Variants in SORCS1 observed in about 807,000 individuals in gnomAD.
The protein encoded by SORCS1 is VPS10 domain-containing receptor SorCS1.
In SORCS1, 60 loss-of-function variants were observed where a neutral mutation model predicts 146.1. That is an observed-to-expected ratio of 0.41 (90% CI 0.33 to 0.51). SORCS1 has a LOEUF of 0.51. Among genes scored for constraint, SORCS1 ranks in the 20% least tolerant of loss-of-function variants. SORCS1 has a pLI of 0.21. For synonymous variants in SORCS1, 637 were observed against 584.0 expected, an observed-to-expected ratio of 1.09 and a Z score of -1.31; for missense variants, 1,352 against 1,487.6, an observed-to-expected ratio of 0.91 and a Z score of 1.50.
chr10:107,139,922 T>C (rs1217101940), intron 1 of SORCS1, among the ~76,000 whole-genome samples: 1 of 152,168 alleles, frequency 6.6e-6, no homozygotes. Flanking sequence ...TTTGGTGAAA[T>C]TGAGATGTAG....
chr10:106,695,811 T>C (rs960324608), intron 9 of SORCS1, among the ~76,000 whole-genome samples: 2 of 152,226 alleles, frequency 1.3e-5, no homozygotes, highest in Non-Finnish European at 1.5e-5. Flanking sequence ...TTGACACTGA[T>C]GGAAAATTCT....
At chr10:106,784,395 A>T (rs1205741790) in intron 3 of SORCS1, among the ~76,000 whole-genome samples, 1 of 92,576 alleles carries the variant, frequency 1.1e-5, no homozygotes, top group African/African-American at 3.6e-5. Flanking sequence ...ACTCCGTCAA[A>T]AAAAAAAAAA....
chr10:107,080,157 T>C (rs1963218409), intron 1 of SORCS1, among the ~76,000 whole-genome samples: 2 of 152,260 alleles, frequency 1.3e-5, no homozygotes, highest in African/African-American at 4.8e-5. Flanking sequence ...CTGCTTCTAA[T>C]GTATTTCATT....
intron 18 of SORCS1, among the ~76,000 whole-genome samples, chr10:106,644,107 C>A (rs368722589): frequency 6.6e-6 from 1 of 151,922 alleles, no homozygotes; most frequent in Non-Finnish European, 1.5e-5. Flanking sequence ...CCTTTTTTTG[C>A]CCAAATACCT....
chr10:106,959,933 A>G (rs957792655), intron 1 of SORCS1, among the ~76,000 whole-genome samples: 6 of 152,200 alleles, frequency 3.9e-5, no homozygotes, highest in African/African-American at 1.4e-4. Context: ...AGTGTAGAGT[A>G]TTCAAGTTCA....
At chr10:106,679,012 T>C (rs1177492521) in intron 12 of SORCS1, among the ~76,000 whole-genome samples, 12 of 152,186 alleles carry the variant, frequency 7.9e-5, no homozygotes, top group African/African-American at 4.8e-5. Context: ...TTGTGACTTA[T>C]AAACACCCTT....
intron 1 of SORCS1, among the ~76,000 whole-genome samples, chr10:107,007,502 C>A (rs1402277423): frequency 7.2e-5 from 11 of 152,162 alleles, no homozygotes; most frequent in Admixed American, 7.2e-4. Context: ...TGTGGGTAAG[C>A]CATCTTGAAA....
At chr10:106,994,157 T>C (rs1277472072) in intron 1 of SORCS1, among the ~76,000 whole-genome samples, 1 of 150,102 alleles carries the variant, frequency 6.7e-6, no homozygotes, top group East Asian at 2.0e-4. Context: ...TTGCTATTAA[T>C]ACAAGCCCAT....
chr10:106,946,660 G>A (rs539431602), intron 2 of SORCS1, among the ~76,000 whole-genome samples: 144 of 152,260 alleles, frequency 9.5e-4, no homozygotes, highest in African/African-American at 3.4e-3. Flanking sequence ...GTCTTTATTA[G>A]CAGCACGGGA....
intron 24 of SORCS1, among the ~76,000 whole-genome samples, chr10:106,592,945 C>T (rs1442314752): frequency 6.6e-6 from 1 of 151,864 alleles, no homozygotes; most frequent in African/African-American, 2.4e-5. Context: ...TGAGACCAGC[C>T]TGGGCAACAT....
At chr10:106,703,887 C>T (rs1356577002) in intron 8 of SORCS1, among the ~76,000 whole-genome samples, 1 of 152,204 alleles carries the variant, frequency 6.6e-6, no homozygotes, top group Non-Finnish European at 1.5e-5. Flanking sequence ...ATCTGCTGTA[C>T]TAGCCCCTAT....
intron 1 of SORCS1, among the ~76,000 whole-genome samples, chr10:107,048,658 C>T (rs548817483): frequency 1.3e-4 from 20 of 152,142 alleles, no homozygotes; most frequent in Non-Finnish European, 2.9e-4. Flanking sequence ...CAGAGTTGAG[C>T]TATCTCCCCT....
At chr10:106,702,672 T>C (rs1164432999) in intron 8 of SORCS1, among the ~76,000 whole-genome samples, 3 of 152,232 alleles carry the variant, frequency 2.0e-5, no homozygotes, top group Non-Finnish European at 4.4e-5. Context: ...TCAAATGATA[T>C]TGGTCTTAAA....
rs1844471723 is a variant in SORCS1 at position 106,573,829 on chromosome 10, A to T, written c.*3591T>A. The T allele has an allele frequency of 6.6e-6, 1 of 152,486 alleles. No individual in the cohort carries two copies. The highest frequency in any genetic ancestry group is 2.1e-4 in the South Asian group (1 of 4,826). 9.4% of individuals were successfully genotyped at this position (152,486 alleles called of 1,614,324 possible). ...ATGCAATTAGCCTTTATGAAATCCT[A>T]TACATGCAACACTTCTATATTTAGA... On this transcript the variant is annotated 3_prime_UTR_variant, in exon 26 of 26. Transcript: ENST00000263054.
At chr10:106,720,802 G>C (rs1855728608) in intron 6 of SORCS1, among the ~76,000 whole-genome samples, 1 of 152,092 alleles carries the variant, frequency 6.6e-6, no homozygotes, top group African/African-American at 2.4e-5. Flanking sequence ...GCTTCATGCA[G>C]GTGGGTGGGC....
At chr10:106,896,854 C>T (rs1951499339) in intron 2 of SORCS1, among the ~76,000 whole-genome samples, 1 of 151,302 alleles carries the variant, frequency 6.6e-6, no homozygotes, top group Non-Finnish European at 1.5e-5. Context: ...TGACACATTA[C>T]TCACTCCATT....
At chr10:106,600,619 C>A in intron 23 of SORCS1, 1 of 985,312 alleles carries the variant, frequency 1.0e-6, no homozygotes, top group Non-Finnish European at 1.2e-6. Flanking sequence ...ATTATATATG[C>A]TGTGAACACT....
chr10:106,649,029 C>A (rs923705548), intron 18 of SORCS1, among the ~76,000 whole-genome samples: 7 of 152,096 alleles, frequency 4.6e-5, no homozygotes, highest in Admixed American at 3.9e-4. Flanking sequence ...CAGTGGAAAA[C>A]CTTCCCACTC....
intron 1 of SORCS1, among the ~76,000 whole-genome samples, chr10:107,004,322 A>G (rs2139659054): frequency 6.6e-6 from 1 of 152,168 alleles, no homozygotes; most frequent in Middle Eastern, 3.4e-3. Context: ...GTCTGTTATC[A>G]CACTGCTAAT....
Sources: gnomAD v4.1 joint callset for allele counts (sites outside exome capture counted in the v4.1 genomes callset) on GRCh38, gnomAD v4.1.1 for gene constraint, MANE v1.5 for transcripts, NCBI Gene and HGNC (gene_info 2026-07-23, HGNC 2026-07-21) for gene names.